POTEF: variants seen among roughly 807,000 people sequenced by gnomAD.
POTEF encodes POTE ankyrin domain family member F.
POTEF carries 20 observed loss-of-function variants against 83.2 expected under a neutral mutation model. That is an observed-to-expected ratio of 0.24 (90% confidence interval 0.17 to 0.35). The LOEUF (loss-of-function observed/expected upper bound fraction) is 0.35. Ranked by LOEUF, POTEF falls within the 10% of genes least tolerant of loss-of-function variation. The probability of loss-of-function intolerance (pLI) is 1.00; values close to 1 mark genes in which losing one functional copy is unlikely to be tolerated. For synonymous variants in POTEF, 196 were observed against 446.4 expected (o/e 0.44, Z 7.07); for missense variants, 550 against 1,203.2 (o/e 0.46, Z 8.03).
At chr2:130,127,306 A>G (rs1685121421) in intron 2 of POTEF, among the ~76,000 whole-genome samples, 1 of 130,344 alleles carries the variant, frequency 7.7e-6, no homozygotes, top group South Asian at 2.7e-4. Flanking sequence ...GCCTGGGCAA[A>G]AGAGCGAGAC....
At chr2:130,113,526 CGTTGTTGTT>C (rs199552549) in intron 5 of POTEF, among the ~76,000 whole-genome samples, 32,146 of 84,514 alleles carry the variant, frequency 0.38, 6,707 homozygotes, top group Middle Eastern at 0.52. Context: ...TTGTTGTTGT[CGTTGTTGTT>C]GTTGTTGTTG....
chr2:130,108,807 G>A (rs909758245), intron 7 of POTEF, among the ~76,000 whole-genome samples: 1 of 148,124 alleles, frequency 6.8e-6, no homozygotes, highest in Non-Finnish European at 1.5e-5. Context: ...CACACCAAGG[G>A]CAGAAAAACC....
At position 130,086,342 on chromosome 2, in the gene POTEF, CCT is replaced by C. The variant is rs1684013342; in HGVS notation, c.1595_1596del (p.Glu532AlafsTer26). The C allele has an allele frequency of 2.6e-6, 4 of 1,564,152 alleles. No individual in the cohort carries two copies. The highest frequency in any genetic ancestry group is 3.5e-6 in the Non-Finnish European group (4 of 1,153,588). ...EPEINKDGDR[E>X]LENFMAIEEM... ...ACAAACGTTTGAATATAAAGGTATA[CCT>C]CTCTATCACCATCCTTATTTATTTC... On this transcript the variant is annotated frameshift_variant and splice_region_variant, in exon 14 of 17. Coordinates refer to ENST00000409914, the MANE Select transcript of POTEF (RefSeq NM_001099771.2). LOFTEE classifies it high-confidence loss of function.
intron 5 of POTEF, among the ~76,000 whole-genome samples, chr2:130,113,556 G>A (rs1003134907): frequency 9.5e-6 from 1 of 105,536 alleles, no homozygotes; most frequent in Non-Finnish European, 2.0e-5. Flanking sequence ...TTAGAGACAG[G>A]GTCTCATTAT....
chr2:130,075,128 T>A lies in POTEF; in HGVS notation c.2344A>T (p.Met782Leu). The A allele has an allele frequency of 6.2e-7, 1 of 1,613,614 alleles. No homozygotes were observed. Among genetic ancestry groups the A allele is most frequent in the Non-Finnish European group, 8.5e-7 (1 of 1,179,920 alleles). ...EHGIITNWDD[M>L]EKIWHHTFYN... ...AAGGTGTGGTGCCAGATCTTCTCCA[T>A]GTCATCCCAGTTGGTGATGATGCCG... The change falls in exon 17 of 17, where the codon ATG (methionine) becomes TTG (leucine). Residue 782 changes from methionine to leucine, a missense_variant. Physicochemically the swap from Met to Leu is conservative, Grantham distance 15. Transcript: ENST00000409914.
Position 130,127,353 on chromosome 2 carries a change from C to CCA in POTEF, c.-94+354_-94+355dup, listed in dbSNP as rs1268256719. Among the ~76,000 whole-genome samples the CCA allele has an allele frequency of 7.9e-3, 696 of 88,022 alleles. 4 individuals carry two copies. Among genetic ancestry groups the CCA allele is most frequent in the African/African-American group, 0.022 (421 of 18,872 alleles). The allele number at this position is 88,022 out of a possible 152,430, so 57.7% of individuals were successfully genotyped here. ...AAAAAAAAAAAAAAAAAAAAAAAAG[C>CCA]CACACACACACACACACAGTCACCC... On this transcript the variant is annotated intron_variant, in intron 2 of 16. Coordinates refer to ENST00000409914, the MANE Select transcript of POTEF (RefSeq NM_001099771.2).
At chr2:130,121,915 TAAAAG>T (rs1416870526) in intron 2 of POTEF, among the ~76,000 whole-genome samples, 3 of 145,136 alleles carry the variant, frequency 2.1e-5, no homozygotes, top group Non-Finnish European at 3.0e-5. Flanking sequence ...TTATGCTCCT[TAAAAG>T]AAACTTTGCA....
chr2:130,117,333 T>C (rs1178677335), intron 3 of POTEF, among the ~76,000 whole-genome samples: 2 of 151,824 alleles, frequency 1.3e-5, no homozygotes, highest in South Asian at 2.1e-4. Context: ...AAATAAATAA[T>C]AGAATGTGAC....
At chr2:130,075,899 G>C (rs1441879139) in intron 16 of POTEF, among the ~76,000 whole-genome samples, 2 of 150,650 alleles carry the variant, frequency 1.3e-5, no homozygotes, top group Non-Finnish European at 3.0e-5. Flanking sequence ...CCTTTTTTCT[G>C]AGTTACAAAA....
In POTEF at chr2:130,075,176, T is replaced by A. The variant is rs573333871; in HGVS notation, c.2296A>T (p.Thr766Ser). The change falls in exon 17 of 17, where the codon ACC becomes TCC. Residue 766 changes from threonine (T) to serine (S), a missense_variant. Coordinates refer to ENST00000409914, the MANE Select transcript of POTEF (RefSeq NM_001099771.2). Reference protein sequence around the residue: ...KEAQSKRGILTLKYPMEHGII... With the variant: ...KEAQSKRGILSLKYPMEHGII... ...CCGTGTTCCATGGGGTACTTCAGGG[T>A]CAGGATGCCTCTTTTGCTCTGGGCC... The A allele has an allele frequency of 3.7e-6, 6 of 1,612,954 alleles. 1 individual carries two copies. Among genetic ancestry groups the A allele is most frequent in the East Asian group, 4.5e-5 (2 of 44,818 alleles).
At chr2:130,127,230 C>A (rs1685113549) in intron 2 of POTEF, among the ~76,000 whole-genome samples, 1 of 140,676 alleles carries the variant, frequency 7.1e-6, no homozygotes, top group South Asian at 2.3e-4. Flanking sequence ...GAGGCTGAGG[C>A]AGGAGGATGG....
intron 8 of POTEF, among the ~76,000 whole-genome samples, chr2:130,105,499 C>A (rs975914514): frequency 6.6e-6 from 1 of 151,740 alleles, no homozygotes; most frequent in Non-Finnish European, 1.5e-5. Context: ...TCAATCCCAG[C>A]AAACTATAGG....
intron 9 of POTEF, among the ~76,000 whole-genome samples, chr2:130,101,268 T>C (rs1311068395): frequency 6.6e-6 from 1 of 150,438 alleles, no homozygotes; most frequent in African/African-American, 2.5e-5. Flanking sequence ...TCTCAAATTT[T>C]AATTGAGATT....
intron 5 of POTEF, 136 bp downstream of exon 5, chr2:130,114,745 G>A (rs1684798070): frequency 7.5e-7 from 1 of 1,332,632 alleles, no homozygotes; most frequent in Admixed American, 2.7e-5. Flanking sequence ...TGAAGTCTTA[G>A]ATAATTAGGT....
At chr2:130,108,867 A>G (rs1308346100) in intron 7 of POTEF, among the ~76,000 whole-genome samples, 1 of 150,530 alleles carries the variant, frequency 6.6e-6, no homozygotes, top group African/African-American at 2.5e-5. Flanking sequence ...CTACCGACTC[A>G]AACTCTCAGC....
At chr2:130,126,959 T>C (rs1029862847) in intron 2 of POTEF, among the ~76,000 whole-genome samples, 6 of 151,936 alleles carry the variant, frequency 3.9e-5, no homozygotes, top group Admixed American at 6.5e-5. Context: ...AGAAGGCCTA[T>C]TATGACACCT....
intron 3 of POTEF, among the ~76,000 whole-genome samples, chr2:130,118,694 C>CA (rs1274484182): frequency 6.7e-6 from 1 of 148,772 alleles, no homozygotes; most frequent in Non-Finnish European, 1.5e-5. Context: ...AGACTCCATC[C>CA]AAAAAAAAGT....
At chr2:130,125,594 G>GC (rs1685073992) in intron 2 of POTEF, among the ~76,000 whole-genome samples, 1 of 151,418 alleles carries the variant, frequency 6.6e-6, no homozygotes. Flanking sequence ...GCTCGACACT[G>GC]CAGGTTCTTA....
chr2:130,105,549 A>G (rs1684502555), intron 8 of POTEF, among the ~76,000 whole-genome samples: 1 of 151,642 alleles, frequency 6.6e-6, no homozygotes, highest in Non-Finnish European at 1.5e-5. Flanking sequence ...CTTTGTAAAT[A>G]AAGTTTTATA....
Sources: gnomAD v4.1 joint callset for allele counts (sites outside exome capture counted in the v4.1 genomes callset) on GRCh38, gnomAD v4.1.1 for gene constraint, MANE v1.5 for transcripts, NCBI Gene and HGNC (gene_info 2026-07-23, HGNC 2026-07-21) for gene names.